The following DOCK4 variants were observed in gnomAD, a reference collection of about 807,000 sequenced individuals.
DOCK4 encodes dedicator of cytokinesis protein 4.
Under a neutral mutation model 268.1 loss-of-function variants are expected in DOCK4, and 97 were observed. The observed-to-expected ratio is 0.36, with a 90% CI of 0.31 to 0.43. The LOEUF (loss-of-function observed/expected upper bound fraction) is 0.43. Among genes scored for constraint, DOCK4 ranks in the 20% least tolerant of loss-of-function variants. The pLI is 1.00. For missense variants in DOCK4, 2,145 were observed against 2,455.7 expected (o/e 0.87, Z 2.67); for synonymous variants, 954 against 887.2 (o/e 1.08, Z -1.34).
intron 30 of DOCK4, among the ~76,000 whole-genome samples, chr7:111,791,088 A>G (rs913323896): frequency 5.0e-5 from 7 of 140,872 alleles, no homozygotes; most frequent in Non-Finnish European, 7.6e-5. Context: ...ATATATATAT[A>G]TATATATATA....
chr7:111,944,998 A>G (rs546268331), intron 9 of DOCK4, 127 bp from the exon 10 acceptor site: 4 of 765,226 alleles, frequency 5.2e-6, no homozygotes, highest in African/African-American at 3.4e-5. Flanking sequence ...TGTTTGTAGC[A>G]GAAGTACATG....
intron 12 of DOCK4, among the ~76,000 whole-genome samples, chr7:111,926,830 A>T (rs1480925411): frequency 6.6e-6 from 1 of 151,788 alleles, no homozygotes. Flanking sequence ...GAGGCAAAGA[A>T]AAAAGAAAGA....
At position 112,021,881 on chromosome 7, in the gene DOCK4, C is replaced by G. The variant is rs184837492; in HGVS notation, c.38-17750G>C. On this transcript the variant is annotated intron_variant, in intron 1 of 52. Coordinates refer to ENST00000428084, the MANE Select transcript of DOCK4 (RefSeq NM_001363540.2). Reference sequence around the variant, plus strand: ...TGAGCCAGCTGATCTCCACCACTAACAGACTACAGAGTAGGCCCAGTACAA... The same window carrying G: ...TGAGCCAGCTGATCTCCACCACTAAGAGACTACAGAGTAGGCCCAGTACAA... Among the ~76,000 whole-genome samples the G allele has an allele frequency of 3.9e-5, 6 of 152,252 alleles. No homozygotes were observed. In the East Asian group the frequency reaches 1.2e-3, roughly 29 times the overall value.
chr7:111,731,253 G>A (rs187532787), intron 52 of DOCK4, among the ~76,000 whole-genome samples: 24 of 152,182 alleles, frequency 1.6e-4, no homozygotes, highest in East Asian at 5.8e-4. Flanking sequence ...TCCATTTTGC[G>A]GGGGGAGGCG....
At chr7:111,741,880 G>T in intron 45 of DOCK4, 133 bp downstream of exon 45, 1 of 1,331,958 alleles carries the variant, frequency 7.5e-7, no homozygotes, top group Non-Finnish European at 1.0e-6. Flanking sequence ...AATTGTATTT[G>T]AGGGCTCCCT....
At chr7:112,121,647 T>A (rs370976948) in intron 1 of DOCK4, among the ~76,000 whole-genome samples, 1 of 152,212 alleles carries the variant, frequency 6.6e-6, no homozygotes, top group South Asian at 2.1e-4. Context: ...ACAAATTGAA[T>A]GCTTTTAACT....
chr7:112,206,377 C>A lies in DOCK4; in HGVS notation c.-239G>T. 1 of 583,388 alleles carries A rather than the reference C, an allele frequency of 1.7e-6. No individual in the cohort carries two copies. The highest frequency in any genetic ancestry group is 4.5e-4 in the Middle Eastern group (1 of 2,210). 36.1% of individuals were successfully genotyped at this position (583,388 alleles called of 1,614,324 possible). A position where few individuals can be genotyped will look rare whatever the true frequency, so the allele number is the denominator to read the frequency against. On this transcript the variant is annotated 5_prime_UTR_variant, in exon 1 of 53. Coordinates refer to ENST00000428084, the MANE Select transcript of DOCK4 (RefSeq NM_001363540.2). ...CTCCGACGCGCTCCCGGGTACCCGG[C>A]GGCGCAGTCATTGTTCTGATTCACT...
chr7:111,809,988 C>CAAA lies in DOCK4; in HGVS notation c.3007-590_3007-588dup, dbSNP rs141294490. Among the ~76,000 whole-genome samples, 990 of 126,164 alleles carry CAAA rather than the reference C, an allele frequency of 7.8e-3. 10 individuals carry two copies. The highest frequency in any genetic ancestry group is 0.025 in the African/African-American group (934 of 36,936). 82.8% of individuals were successfully genotyped at this position (126,164 alleles called of 152,430 possible). ...ATAAAGTTCCCTGAAATAAACTTAG[C>CAAA]AAAAAAAAAAAAGGACATAATGGAA... is the stretch of plus-strand genomic sequence containing the variant. On this transcript the variant is annotated intron_variant, in intron 28 of 52. Coordinates refer to ENST00000428084, the MANE Select transcript of DOCK4 (RefSeq NM_001363540.2).
chr7:111,777,785 C>T (rs1450823592), intron 36 of DOCK4, among the ~76,000 whole-genome samples: 2 of 151,892 alleles, frequency 1.3e-5, no homozygotes, highest in Non-Finnish European at 2.9e-5. Context: ...AGATCTGATG[C>T]TTTTATAAGG....
chr7:111,926,576 G>A (rs903902720), intron 12 of DOCK4, among the ~76,000 whole-genome samples: 2 of 132,290 alleles, frequency 1.5e-5, no homozygotes, highest in African/African-American at 6.2e-5. Context: ...CAGGGCGGGC[G>A]GGCAAGGCGG....
chr7:112,160,017 CTTA>C (rs1445645549), intron 1 of DOCK4, among the ~76,000 whole-genome samples: 6 of 151,946 alleles, frequency 3.9e-5, no homozygotes, highest in Non-Finnish European at 8.8e-5. Flanking sequence ...GCATTTCAGG[CTTA>C]TAGATTTGGG....
intron 1 of DOCK4, among the ~76,000 whole-genome samples, chr7:112,046,148 T>G (rs1804802708): frequency 6.6e-6 from 1 of 152,230 alleles, no homozygotes; most frequent in Admixed American, 6.5e-5. Flanking sequence ...TGGCATTTAC[T>G]GGATTCTGTG....
rs1430840151 is a variant in DOCK4, at chr7:111,940,207, T to C, written c.880A>G (p.Ser294Gly). 1 of 1,614,046 alleles carries C rather than the reference T, an allele frequency of 6.2e-7. No homozygotes were observed. Among genetic ancestry groups the C allele is most frequent in the South Asian group, 1.1e-5 (1 of 91,088 alleles). The change falls in exon 11 of 53, where the codon AGT (serine) becomes GGT (glycine). Residue 294 changes from serine (S) to glycine (G), a missense_variant. Physicochemically the swap from Ser to Gly is moderately conservative, Grantham distance 56. Coordinates refer to ENST00000428084, the MANE Select transcript of DOCK4 (RefSeq NM_001363540.2). ...MGAGEKKNAC[S>G]VQYRRPFGCA... ...CCAAAGGGTCGTCGGTACTGGACAC[T>C]ACAGGCATTCTTTTTTTCTCCTGCT...
chr7:111,753,708 GT>G, intron 42 of DOCK4, among the ~76,000 whole-genome samples: 1 of 152,258 alleles, frequency 6.6e-6, no homozygotes, highest in South Asian at 2.1e-4. Flanking sequence ...ACCTGTCCCT[GT>G]TCTTGAAGAC....
chr7:112,104,193 T>C (rs1172462753), intron 1 of DOCK4, among the ~76,000 whole-genome samples: 1 of 152,236 alleles, frequency 6.6e-6, no homozygotes, highest in Non-Finnish European at 1.5e-5. Flanking sequence ...TAGTGGTCAT[T>C]AGTGAACAGG....
At chr7:112,058,028 T>G (rs1012994092) in intron 1 of DOCK4, among the ~76,000 whole-genome samples, 3 of 122,506 alleles carry the variant, frequency 2.4e-5, no homozygotes, top group African/African-American at 1.1e-4. Flanking sequence ...GGTTCAATTT[T>G]TTTTTTTTTT....
At chr7:111,895,480 A>G (rs1586294819) in intron 16 of DOCK4, 132 bp downstream of exon 16, 2 of 802,786 alleles carry the variant, frequency 2.5e-6, no homozygotes, top group East Asian at 2.4e-5. Context: ...TGAAAAAGAC[A>G]TTCTCCCTGA....
At chr7:111,892,928 C>T (rs574450213) in intron 16 of DOCK4, among the ~76,000 whole-genome samples, 2 of 152,248 alleles carry the variant, frequency 1.3e-5, no homozygotes, top group Non-Finnish European at 2.9e-5. Context: ...AACTCAGCTA[C>T]TTGGGGTTTT....
At chr7:112,093,732 G>A (rs191391347) in intron 1 of DOCK4, among the ~76,000 whole-genome samples, 20 of 152,194 alleles carry the variant, frequency 1.3e-4, no homozygotes, top group Admixed American at 1.3e-3. Context: ...TAGTTTTTAA[G>A]GAAGAGAACG....
Sources: gnomAD v4.1 joint callset for allele counts (sites outside exome capture counted in the v4.1 genomes callset) on GRCh38, gnomAD v4.1.1 for gene constraint, MANE v1.5 for transcripts, NCBI Gene and HGNC (gene_info 2026-07-23, HGNC 2026-07-21) for gene names.